TNS3: variants seen among roughly 807,000 people sequenced by gnomAD.
The protein encoded by TNS3 is tensin-3.
In TNS3, 45 loss-of-function variants were observed where a neutral mutation model predicts 140.9. That is an observed-to-expected ratio of 0.32 (90% CI 0.25 to 0.41). The LOEUF (loss-of-function observed/expected upper bound fraction) is 0.41. Among genes scored for constraint, TNS3 ranks in the 10% least tolerant of loss-of-function variants. TNS3 has a pLI of 1.00. For missense variants in TNS3, 1,716 were observed against 1,906.7 expected (o/e 0.90, Z 1.86); for synonymous variants, 815 against 788.4 (o/e 1.03, Z -0.56).
intron 20 of TNS3, among the ~76,000 whole-genome samples, chr7:47,334,698 G>A (rs1788531016): frequency 6.8e-6 from 1 of 148,034 alleles, no homozygotes; most frequent in African/African-American, 2.5e-5. Context: ...CCGCCTCCTG[G>A]GTTCAAACAG....
intron 3 of TNS3, among the ~76,000 whole-genome samples, chr7:47,499,757 C>A (rs543092775): frequency 6.6e-6 from 1 of 152,212 alleles, no homozygotes; most frequent in Non-Finnish European, 1.5e-5. Context: ...CGAAACTACT[C>A]CATACGGTAC....
At position 47,344,612 on chromosome 7, in the gene TNS3, C is replaced by A; in HGVS notation, c.2650+143G>T. On this transcript the variant is annotated intron_variant, in intron 20 of 30. Transcript: ENST00000311160. The stretch of plus-strand genomic sequence containing the variant: ...GGCCACATCCCTACATCTTTCCCAG[C>A]AAGATCCATCCTCATCCAAGGCTTC... The A allele has an allele frequency of 6.2e-6, 5 of 812,242 alleles. No individual in the cohort carries two copies. In the South Asian group the frequency reaches 8.8e-5, roughly 14 times the overall value. 50.3% of individuals were successfully genotyped at this position (812,242 alleles called of 1,614,324 possible). A position where few individuals can be genotyped will look rare whatever the true frequency, so the allele number is the denominator to read the frequency against.
chr7:47,342,123 C>CATAGATATT (rs1562613360), intron 20 of TNS3, among the ~76,000 whole-genome samples: 1 of 152,072 alleles, frequency 6.6e-6, no homozygotes, highest in Non-Finnish European at 1.5e-5. Flanking sequence ...TTTCCTGGCC[C>CATAGATATT]ATAGATATTA....
intron 15 of TNS3, among the ~76,000 whole-genome samples, chr7:47,398,033 C>G (rs1792934593): frequency 6.6e-6 from 1 of 152,120 alleles, no homozygotes; most frequent in Non-Finnish European, 1.5e-5. Context: ...TTATGAACAC[C>G]TTTATGTATA....
At chr7:47,424,372 G>A (rs1794537757) in intron 9 of TNS3, among the ~76,000 whole-genome samples, 188 bp from the exon 10 acceptor site, 1 of 152,188 alleles carries the variant, frequency 6.6e-6, no homozygotes, top group African/African-American at 2.4e-5. Flanking sequence ...GCAGGAATAT[G>A]CTGTGCTCAA....
At chr7:47,464,982 C>T (rs762231553) in intron 4 of TNS3, among the ~76,000 whole-genome samples, 3 of 152,198 alleles carry the variant, frequency 2.0e-5, no homozygotes, top group Non-Finnish European at 2.9e-5. Flanking sequence ...TGGATGCCTG[C>T]GCCTTGGCCC....
chr7:47,285,494 C>T (rs1459950152), intron 27 of TNS3, among the ~76,000 whole-genome samples: 2 of 152,178 alleles, frequency 1.3e-5, no homozygotes, highest in African/African-American at 2.4e-5. Flanking sequence ...TGCCTGCCAC[C>T]ATGTAAGATG....
At chr7:47,474,518 A>T (rs1193891813) in intron 4 of TNS3, among the ~76,000 whole-genome samples, 1 of 150,600 alleles carries the variant, frequency 6.6e-6, no homozygotes, top group African/African-American at 2.4e-5. Context: ...CACACAACAC[A>T]GGCATGTACA....
intron 13 of TNS3, among the ~76,000 whole-genome samples, chr7:47,409,656 A>ATTTTTTTTTTTTT (rs1314338489): frequency 1.3e-4 from 19 of 150,018 alleles, no homozygotes; most frequent in African/African-American, 4.5e-4. Context: ...CTCTTGGCCT[A>ATTTTTTTTTTTTT]TTCTTTTTTT....
chr7:47,360,140 G>C (rs184427654), intron 17 of TNS3, among the ~76,000 whole-genome samples: 29 of 152,294 alleles, frequency 1.9e-4, no homozygotes, highest in Admixed American at 1.8e-3. Flanking sequence ...AAGCAGACTG[G>C]AGTTTCTCAT....
chr7:47,468,835 A>C (rs1177049500), intron 4 of TNS3, among the ~76,000 whole-genome samples: 5 of 152,234 alleles, frequency 3.3e-5, no homozygotes, highest in Admixed American at 6.5e-5. Flanking sequence ...ATTCAACTTC[A>C]AACTATACTA....
rs115052469 is a variant in TNS3 at position 47,387,444 on chromosome 7, G to A, written c.1024+9356C>T. Reference sequence around the variant, plus strand: ...CAGAAGAATCATTTGCTTAAAGGGAGCGTGCATGTGGATGGTGGTCTCCTA... The same window carrying A: ...CAGAAGAATCATTTGCTTAAAGGGAACGTGCATGTGGATGGTGGTCTCCTA... On this transcript the variant is annotated intron_variant, in intron 16 of 30. Coordinates refer to ENST00000311160, the MANE Select transcript of TNS3 (RefSeq NM_022748.12). Among the ~76,000 whole-genome samples, 1,382 of 152,326 alleles carry A rather than the reference G, an allele frequency of 9.1e-3. 22 individuals are homozygous for A. Among genetic ancestry groups the A allele is most frequent in the African/African-American group, 0.03 (1,259 of 41,558 alleles).
chr7:47,384,369 T>G (rs998243326), intron 16 of TNS3, among the ~76,000 whole-genome samples: 6 of 152,216 alleles, frequency 3.9e-5, no homozygotes, highest in Non-Finnish European at 5.9e-5. Flanking sequence ...CTGGTACCCC[T>G]GGCTACAGCG....
chr7:47,464,756 C>T (rs1796634749), intron 4 of TNS3, among the ~76,000 whole-genome samples: 1 of 152,166 alleles, frequency 6.6e-6, no homozygotes, highest in Admixed American at 6.5e-5. Context: ...GACCTTGTCA[C>T]CACATGCAAT....
At chr7:47,396,610 A>G (rs1486736980) in intron 16 of TNS3, 190 bp downstream of exon 16, 3 of 603,938 alleles carry the variant, frequency 5.0e-6, no homozygotes, top group East Asian at 2.8e-5. Flanking sequence ...ACCCAAACTC[A>G]CCATGCCTTA....
chr7:47,553,551 C>G (rs542317336), intron 1 of TNS3, among the ~76,000 whole-genome samples: 25 of 152,320 alleles, frequency 1.6e-4, no homozygotes, highest in African/African-American at 5.5e-4. Context: ...CTGCATACAA[C>G]ATGGTTTATT....
chr7:47,572,364 C>T lies in TNS3; in HGVS notation c.-265+9687G>A, dbSNP rs117870331. ...CACACACACACTATGCTTCTCACGC[C>T]CACTGCTGCAAACACCTTCGTGGGA... On this transcript the variant is annotated intron_variant, in intron 1 of 30. Transcript: ENST00000311160. Among the ~76,000 whole-genome samples the T allele has an allele frequency of 5.6e-3, 860 of 152,320 alleles. 6 individuals are homozygous for T. The highest frequency in any genetic ancestry group is 0.01 in the Middle Eastern group (3 of 294).
chr7:47,436,616 AT>A (rs1318203649), intron 7 of TNS3, among the ~76,000 whole-genome samples: 3 of 152,174 alleles, frequency 2.0e-5, no homozygotes, highest in Admixed American at 6.5e-5. Flanking sequence ...AATTTTAAAA[AT>A]TTTTTAAAAA....
intron 9 of TNS3, among the ~76,000 whole-genome samples, chr7:47,424,694 C>T (rs1393021313): frequency 6.6e-6 from 1 of 152,178 alleles, no homozygotes; most frequent in Non-Finnish European, 1.5e-5. Flanking sequence ...GAGGCACCCT[C>T]GGGACACAAG....
Sources: gnomAD v4.1 joint callset for allele counts (sites outside exome capture counted in the v4.1 genomes callset) on GRCh38, gnomAD v4.1.1 for gene constraint, MANE v1.5 for transcripts, NCBI Gene and HGNC (gene_info 2026-07-23, HGNC 2026-07-21) for gene names.